Variants in C3orf33 observed in about 807,000 individuals in gnomAD.
The protein encoded by C3orf33 is AP-1 activity suppressor.
A neutral mutation model predicts 28.7 loss-of-function variants in C3orf33; 23 were observed. The observed-to-expected ratio is 0.80, with a 90% CI of 0.58 to 1.13. C3orf33 has a LOEUF of 1.13. Ranked by LOEUF, C3orf33 falls within the 50% of genes most tolerant of loss-of-function variation. The probability of loss-of-function intolerance (pLI) is 0.00; values close to 1 mark genes in which losing one functional copy is unlikely to be tolerated. For missense variants in C3orf33, 327 were observed against 353.4 expected, an observed-to-expected ratio of 0.93 and a Z score of 0.60; for synonymous variants, 119 against 120.5, an observed-to-expected ratio of 0.99 and a Z score of 0.08.
Position 155,763,548 on chromosome 3 carries a change from A to T in C3orf33, c.854T>A (p.Ile285Lys). 1 of 1,535,606 alleles carries T rather than the reference A, an allele frequency of 6.5e-7. No individual in the cohort carries two copies. ...CSLILKFREL[I>K]SRINFRRKG is the part of the protein sequence containing the mutation. ...TTTTCTACGAAAGTTTATGCGACTT[A>T]TAAGTTCTCTGAACTTCAGTATTAA... Residue 285 changes from isoleucine (I) to lysine (K), a missense_variant, in exon 5 of 5, where the codon ATA (isoleucine) becomes AAA (lysine). Coordinates refer to ENST00000340171, the MANE Select transcript of C3orf33 (RefSeq NM_001308229.2).
intron 3 of C3orf33, among the ~76,000 whole-genome samples, chr3:155,770,961 A>AATGTGTGTGT (rs1750562952): frequency 2.0e-5 from 1 of 50,336 alleles, no homozygotes; most frequent in African/African-American, 1.1e-4. Flanking sequence ...GGCATGAACC[A>AATGTGTGTGT]CTGTGTGTGT....
At chr3:155,789,317 C>A (rs1488480137) in intron 2 of C3orf33, among the ~76,000 whole-genome samples, 1 of 144,996 alleles carries the variant, frequency 6.9e-6, no homozygotes, top group Non-Finnish European at 1.5e-5. Context: ...GGCACTCCAG[C>A]CTGGGCAACA....
At chr3:155,799,728 A>G (rs936294280) in intron 2 of C3orf33, among the ~76,000 whole-genome samples, 2 of 152,166 alleles carry the variant, frequency 1.3e-5, no homozygotes, top group African/African-American at 4.8e-5. Flanking sequence ...ACATGGTAGA[A>G]TACTATTCAT....
chr3:155,792,390 G>A (rs1367312883), intron 2 of C3orf33, among the ~76,000 whole-genome samples: 1 of 152,010 alleles, frequency 6.6e-6, no homozygotes. Flanking sequence ...AGACTATGAA[G>A]ACTATAATAA....
intron 2 of C3orf33, among the ~76,000 whole-genome samples, chr3:155,791,228 G>A (rs569873629): frequency 3.0e-4 from 45 of 152,250 alleles, no homozygotes; most frequent in African/African-American, 1.0e-3. Context: ...GGGCCACAAA[G>A]CAACCCACTA....
intron 2 of C3orf33, among the ~76,000 whole-genome samples, chr3:155,781,630 G>A (rs905645612): frequency 7.9e-5 from 12 of 151,642 alleles, no homozygotes; most frequent in Middle Eastern, 3.2e-3. Flanking sequence ...TTAGCCGGGT[G>A]TGGTGGCACA....
At chr3:155,770,964 G>GTGTGTGTA (rs1750564833) in intron 3 of C3orf33, among the ~76,000 whole-genome samples, 1 of 143,204 alleles carries the variant, frequency 7.0e-6, no homozygotes, top group Non-Finnish European at 1.5e-5. Flanking sequence ...ATGAACCACT[G>GTGTGTGTA]TGTGTGTGTG....
At chr3:155,766,216 T>A (rs148409217) in intron 4 of C3orf33, among the ~76,000 whole-genome samples, 1 of 152,282 alleles carries the variant, frequency 6.6e-6, no homozygotes, top group African/African-American at 2.4e-5. Context: ...AAAAGCTGAA[T>A]ATCATAGTAT....
At chr3:155,801,297 T>G (rs1751640794) in intron 2 of C3orf33, among the ~76,000 whole-genome samples, 1 of 128,192 alleles carries the variant, frequency 7.8e-6, no homozygotes, top group Non-Finnish European at 1.6e-5. Flanking sequence ...GGCGACAGAG[T>G]GAGACTCTGT....
chr3:155,777,931 C>G (rs1007840979), intron 2 of C3orf33, among the ~76,000 whole-genome samples: 7 of 151,984 alleles, frequency 4.6e-5, no homozygotes, highest in African/African-American at 1.7e-4. Flanking sequence ...GAGGACAGAT[C>G]ATGAGGTCAA....
Position 155,763,522 on chromosome 3 carries a change from CT to C in C3orf33, c.879del (p.Ter295GlufsTer48). 6.7e-7 allele frequency: 1 copy of C among 1,498,186 alleles called. No individual in the cohort carries two copies. The highest frequency in any genetic ancestry group is 8.8e-7 in the Non-Finnish European group (1 of 1,130,552). The allele number at this position is 1,498,186 out of a possible 1,614,324, so 92.8% of individuals were successfully genotyped here. A position where few individuals can be genotyped will look rare whatever the true frequency, so the allele number is the denominator to read the frequency against. On this transcript the variant is annotated frameshift_variant, in exon 5 of 5. Transcript: ENST00000340171. LOFTEE classifies it high-confidence loss of function. ...CTCTAGATTTCTTGACCGTTTCACC[CT>C]TTTCTACGAAAGTTTATGCGACTTA... Reference protein sequence around the residue: ...ELISRINFRRKG With the variant: ...ELISRINFRRXG
At chr3:155,771,322 C>A (rs1316773701) in intron 3 of C3orf33, among the ~76,000 whole-genome samples, 1 of 152,154 alleles carries the variant, frequency 6.6e-6, no homozygotes, top group Non-Finnish European at 1.5e-5. Context: ...ACTTCTGTCA[C>A]CAAGGCTGGA....
chr3:155,787,052 A>T (rs1408315490), intron 2 of C3orf33, among the ~76,000 whole-genome samples: 1 of 152,198 alleles, frequency 6.6e-6, no homozygotes, highest in Non-Finnish European at 1.5e-5. Context: ...AATTAAAGAG[A>T]AGAGAATACT....
At chr3:155,796,346 GATT>G (rs1302282908) in intron 2 of C3orf33, among the ~76,000 whole-genome samples, 3 of 152,072 alleles carry the variant, frequency 2.0e-5, no homozygotes, top group African/African-American at 7.2e-5. Context: ...AAATTCAAAA[GATT>G]ATTAGAGGCT....
Position 155,779,887 on chromosome 3 carries a change from G to T in C3orf33, c.175-4039C>A, listed in dbSNP as rs145272242. Among the ~76,000 whole-genome samples the T allele has an allele frequency of 7.2e-4, 109 of 152,242 alleles. 2 individuals carry two copies. In the East Asian group the frequency reaches 0.014, roughly 19 times the overall value. Reference sequence around the variant, plus strand: ...GAAGCTGAAGGAGAAAATCAAAGGAGCACCAATGTTCCTGCTCTCAAGGAG... The same window carrying T: ...GAAGCTGAAGGAGAAAATCAAAGGATCACCAATGTTCCTGCTCTCAAGGAG... On this transcript the variant is annotated intron_variant, in intron 2 of 4. Transcript: ENST00000340171.
chr3:155,788,686 A>G (rs948130877), intron 2 of C3orf33, among the ~76,000 whole-genome samples: 1 of 151,356 alleles, frequency 6.6e-6, no homozygotes, highest in Admixed American at 6.6e-5. Flanking sequence ...ATCAAAAAAA[A>G]AAAAAAGAAA....
At chr3:155,787,545 T>C (rs1464192022) in intron 2 of C3orf33, among the ~76,000 whole-genome samples, 1 of 151,438 alleles carries the variant, frequency 6.6e-6, no homozygotes, top group Non-Finnish European at 1.5e-5. Flanking sequence ...AGAGACGGGG[T>C]TTCACTGTGT....
At chr3:155,764,350 C>G (rs1423803416) in intron 4 of C3orf33, among the ~76,000 whole-genome samples, 1 of 152,142 alleles carries the variant, frequency 6.6e-6, no homozygotes, top group African/African-American at 2.4e-5. Context: ...TGAATCATCA[C>G]TGAACTGTTA....
intron 2 of C3orf33, among the ~76,000 whole-genome samples, chr3:155,784,537 C>T (rs112402888): frequency 0.37 from 55,657 of 151,566 alleles, 11,548 homozygotes; most frequent in Middle Eastern, 0.51. Context: ...GCCAGGAGTT[C>T]GAGACCAGCC....
Sources: gnomAD v4.1 joint callset for allele counts (sites outside exome capture counted in the v4.1 genomes callset) on GRCh38, gnomAD v4.1.1 for gene constraint, MANE v1.5 for transcripts, NCBI Gene and HGNC (gene_info 2026-07-23, HGNC 2026-07-21) for gene names.